Variants in XYLB observed in about 807,000 individuals in gnomAD.
XYLB encodes the protein xylulokinase.
In XYLB, 62 loss-of-function variants were observed where a neutral mutation model predicts 78.7. The ratio of observed to expected loss-of-function variants is 0.79; its 90% confidence interval spans 0.64 to 0.97. XYLB has a LOEUF of 0.97. XYLB is among the 50% of genes least tolerant of loss of function. The pLI, the probability that XYLB is intolerant of heterozygous loss-of-function variation, is 0.00. For synonymous variants in XYLB, 245 were observed against 247.4 expected, an observed-to-expected ratio of 0.99 and a Z score of 0.09; for missense variants, 687 against 676.8, an observed-to-expected ratio of 1.02 and a Z score of -0.17.
chr3:38,352,274 G>A (rs1458972857), intron 2 of XYLB, among the ~76,000 whole-genome samples: 2 of 151,648 alleles, frequency 1.3e-5, no homozygotes, highest in East Asian at 1.9e-4. Context: ...GCACGATCTC[G>A]GCTCACTGCA....
intron 2 of XYLB, among the ~76,000 whole-genome samples, chr3:38,358,664 T>A (rs1041658390): frequency 7.9e-5 from 12 of 152,166 alleles, no homozygotes; most frequent in African/African-American, 2.4e-4. Context: ...TTTTAAGTTG[T>A]TAAATACATG....
Position 38,360,319 on chromosome 3 carries a change from A to G in XYLB, c.141-20A>G. 3 of 1,612,856 alleles carry G rather than the reference A, an allele frequency of 1.9e-6. No individual in the cohort carries two copies. The highest frequency in any genetic ancestry group is 1.1e-5 in the South Asian group (1 of 91,058). On this transcript the variant is annotated intron_variant, in intron 2 of 18. Coordinates refer to ENST00000207870, the MANE Select transcript of XYLB (RefSeq NM_005108.4). ...TGCCTGCCCTGAGGCTCTGGTCTACATTCTCTGTTGTTCTTGCAGGACTCA... is the reference window on the plus strand; with the variant it reads ...TGCCTGCCCTGAGGCTCTGGTCTACGTTCTCTGTTGTTCTTGCAGGACTCA...
At chr3:38,377,053 T>A in intron 14 of XYLB, 62 bp downstream of exon 14, 2 of 1,397,992 alleles carry the variant, frequency 1.4e-6, no homozygotes, top group Non-Finnish European at 2.0e-6. Context: ...AATTTAACAA[T>A]TGCCTATCAA....
At chr3:38,433,946 T>G in the XYLB span, among the ~76,000 whole-genome samples, 1 of 152,320 alleles carries the variant, frequency 6.6e-6, no homozygotes, top group South Asian at 2.1e-4. Context: ...CTAGGTAATT[T>G]ATAAAGAAAA....
At chr3:38,354,214 C>T (rs909499569) in intron 2 of XYLB, among the ~76,000 whole-genome samples, 1 of 151,872 alleles carries the variant, frequency 6.6e-6, no homozygotes, top group African/African-American at 2.4e-5. Context: ...ATTGGGATTA[C>T]AGGCGCCCGC....
In XYLB at chr3:38,413,364, A is replaced by C; in HGVS notation, c.*351A>C. 4.9e-6 allele frequency: 1 copy of C among 205,296 alleles called. No individual in the cohort carries two copies. The allele number at this position is 205,296 out of a possible 1,614,324, so 12.7% of individuals were successfully genotyped here. A position where few individuals can be genotyped will look rare whatever the true frequency, so the allele number is the denominator to read the frequency against. ...TAATCTAGGGACTCAAATCAGCAGA[A>C]TGGGGGAGACAAAGCCCGGTCTCAC... On this transcript the variant is annotated 3_prime_UTR_variant, in exon 19 of 19. Coordinates refer to ENST00000207870, the MANE Select transcript of XYLB (RefSeq NM_005108.4).
chr3:38,441,916 G>A, the XYLB span, among the ~76,000 whole-genome samples: 1 of 152,134 alleles, frequency 6.6e-6, no homozygotes, highest in African/African-American at 2.4e-5. Flanking sequence ...TGTCCTGTGG[G>A]AAGGCTTAAG....
the XYLB span, among the ~76,000 whole-genome samples, chr3:38,437,865 A>T: frequency 6.6e-6 from 1 of 152,052 alleles, no homozygotes; most frequent in Non-Finnish European, 1.5e-5. Context: ...AGGTCAGGAG[A>T]TAGAGACCAC....
chr3:38,435,350 G>GT, the XYLB span, among the ~76,000 whole-genome samples: 108 of 151,320 alleles, frequency 7.1e-4, no homozygotes, highest in African/African-American at 2.4e-3. Context: ...CACACACAAA[G>GT]TCATTTTATA....
At chr3:38,451,189 ATGG>A in the XYLB span, 1 of 152,220 alleles carries the variant, frequency 6.6e-6, no homozygotes, top group Non-Finnish European at 1.5e-5. Context: ...GGAAGCAATC[ATGG>A]TGACTGAGGG....
At chr3:38,351,687 A>G (rs1020219113) in intron 2 of XYLB, among the ~76,000 whole-genome samples, 2 of 152,206 alleles carry the variant, frequency 1.3e-5, no homozygotes, top group Admixed American at 6.5e-5. Flanking sequence ...CTCCTTCCCC[A>G]TACCCCTACC....
At chr3:38,417,822 G>A (rs1024776930), downstream of XYLB, among the ~76,000 whole-genome samples, 1 of 150,064 alleles carries the variant, frequency 6.7e-6, no homozygotes, top group African/African-American at 2.5e-5. Context: ...TGAGGTTGCA[G>A]CGAGCTGAGA....
intron 2 of XYLB, among the ~76,000 whole-genome samples, chr3:38,354,306 G>A (rs923141044): frequency 3.9e-5 from 6 of 152,080 alleles, no homozygotes; most frequent in Non-Finnish European, 8.8e-5. Flanking sequence ...GACCTCAGGT[G>A]ATCCGCCTGC....
chr3:38,353,643 T>C (rs1422666327), intron 2 of XYLB, among the ~76,000 whole-genome samples: 1 of 151,938 alleles, frequency 6.6e-6, no homozygotes, highest in Admixed American at 6.6e-5. Context: ...ATCTTTACCT[T>C]TAAGAGGCTG....
the XYLB span, among the ~76,000 whole-genome samples, chr3:38,439,632 G>A: frequency 3.9e-5 from 6 of 152,102 alleles, no homozygotes; most frequent in Non-Finnish European, 8.8e-5. Flanking sequence ...CACAGTGGTG[G>A]GCACCTGTAG....
At chr3:38,448,407 A>G in the XYLB span, among the ~76,000 whole-genome samples, 1 of 152,224 alleles carries the variant, frequency 6.6e-6, no homozygotes, top group Admixed American at 6.5e-5. Context: ...CATTATATAC[A>G]TGCAACAAAA....
At chr3:38,359,166 T>C (rs1229630100) in intron 2 of XYLB, among the ~76,000 whole-genome samples, 1 of 152,284 alleles carries the variant, frequency 6.6e-6, no homozygotes, top group Non-Finnish European at 1.5e-5. Flanking sequence ...CTGAAAGCAT[T>C]TCTTATGGGA....
chr3:38,375,873 C>T (rs1451768468), intron 12 of XYLB, among the ~76,000 whole-genome samples: 1 of 152,152 alleles, frequency 6.6e-6, no homozygotes, highest in African/African-American at 2.4e-5. Context: ...TGGGGCTCCT[C>T]TGTGTCAGCC....
chr3:38,431,481 T>C, the XYLB span, among the ~76,000 whole-genome samples: 12 of 152,328 alleles, frequency 7.9e-5, no homozygotes, highest in East Asian at 1.5e-3. Context: ...AAACATACGA[T>C]CATGTCGCCT....
Sources: allele counts gnomAD v4.1 joint callset (sites outside exome capture counted in the v4.1 genomes callset), GRCh38; gene constraint gnomAD v4.1.1; transcripts MANE v1.5; gene names NCBI Gene and HGNC (gene_info 2026-07-23, HGNC 2026-07-21).